The following HSPA12B variants were observed in gnomAD, a reference collection of about 807,000 sequenced individuals.
The protein encoded by HSPA12B is heat shock 70 kDa protein 12B.
In HSPA12B, 54 loss-of-function variants were observed where a neutral mutation model predicts 69.3. That is an observed-to-expected ratio of 0.78 (90% CI 0.63 to 0.98). HSPA12B has a LOEUF of 0.98. HSPA12B is among the 50% of genes least tolerant of loss of function. The pLI, the probability that HSPA12B is intolerant of heterozygous loss-of-function variation, is 0.00. For synonymous variants in HSPA12B, 441 were observed against 436.5 expected (o/e 1.01, Z -0.13); for missense variants, 929 against 999.8 (o/e 0.93, Z 0.96).
At position 3,749,979 on chromosome 20, in the gene HSPA12B, T is replaced by C. The variant is rs2088382340; in HGVS notation, c.1053T>C (p.Tyr351=). 1.9e-6 allele frequency: 3 copies of C among 1,567,604 alleles called. No individual in the cohort carries two copies. The highest frequency in any genetic ancestry group is 2.6e-6 in the Non-Finnish European group (3 of 1,155,726). Residue 351 remains tyrosine (Y), a synonymous_variant, in exon 11 of 13, where the codon TAT becomes TAC. Transcript: ENST00000254963. This position sits in a 1 kb window ranked among gnomAD's most constrained non-coding sequence, Gnocchi z 5.5. ...KELYKASGGP[Y]GAVGVDLAFE... ...CCTGCTCCACCCCAGGGGGCCCTTATGGCGCGGTGGGCGTGGACCTGGCCT... is the reference window on the plus strand; with the variant it reads ...CCTGCTCCACCCCAGGGGGCCCTTACGGCGCGGTGGGCGTGGACCTGGCCT...
intron 4 of HSPA12B, 89 bp downstream of exon 4, chr20:3,742,497 G>A: frequency 9.0e-7 from 1 of 1,107,016 alleles, no homozygotes; most frequent in Non-Finnish European, 1.3e-6. Context: ...CGAGACATGG[G>A]GTCTCCTTGG....
Position 3,752,143 on chromosome 20 carries a change from T to A in HSPA12B, c.2038T>A (p.Ser680Thr), listed in dbSNP as rs141241030. The change falls in exon 13 of 13, where the codon TCC becomes ACC. Residue 680 changes from serine (S) to threonine (T), a missense_variant. This residue lies in a region of HSPA12B where 448 missense variants were observed against 448.1 expected (regional missense o/e 1.00). Coordinates refer to ENST00000254963, the MANE Select transcript of HSPA12B (RefSeq NM_052970.5). ...DVSTNRSVRA[S>T]IDFLSN ...CAGCACCAATCGCTCCGTGCGCGCG[T>A]CCATCGACTTTCTTTCCAACTGAGG... 2.5e-5 allele frequency: 36 copies of A among 1,459,810 alleles called. No individual in the cohort carries two copies. Among genetic ancestry groups the A allele is most frequent in the Non-Finnish European group, 3.2e-5 (36 of 1,113,220 alleles). 90.4% of individuals were successfully genotyped at this position (1,459,810 alleles called of 1,614,324 possible). A position where few individuals can be genotyped will look rare whatever the true frequency, so the allele number is the denominator to read the frequency against.
chr20:3,741,220 GTGGCTT>G (rs1293329755), intron 3 of HSPA12B, among the ~76,000 whole-genome samples: 1 of 151,902 alleles, frequency 6.6e-6, no homozygotes, highest in Non-Finnish European at 1.5e-5. Context: ...CCCTGAGCAT[GTGGCTT>G]TTCTAGGTCC....
In HSPA12B at chr20:3,737,990, G is replaced by A. The variant is rs2088135169; in HGVS notation, c.-17-668G>A. Among the ~76,000 whole-genome samples, 2 of 152,138 alleles carry A rather than the reference G, an allele frequency of 1.3e-5. No homozygotes were observed. The highest frequency in any genetic ancestry group is 1.3e-4 in the Admixed American group (2 of 15,270). On this transcript the variant is annotated intron_variant, in intron 1 of 12. Transcript: ENST00000254963. The surrounding 1 kb of genome is among the most constrained non-coding windows in gnomAD (Gnocchi z 4.1). ...TGCATTCCAGCCTGGGCAACAGAGT[G>A]AGACCCTGTCTCAGAAAAAAGAAAA... is the stretch of plus-strand genomic sequence containing the variant.
At chr20:3,746,092 C>A in intron 7 of HSPA12B, 61 bp downstream of exon 7, 2 of 1,207,122 alleles carry the variant, frequency 1.7e-6, no homozygotes, top group Non-Finnish European at 2.4e-6. Context: ...TGTCCCCATG[C>A]TTGCATGCAC....
At position 3,740,852 on chromosome 20, in the gene HSPA12B, C is replaced by A; in HGVS notation, c.81C>A (p.Pro27=). Residue 27 remains proline (P), a synonymous_variant, in exon 3 of 13, where the codon CCC becomes CCA. Coordinates refer to ENST00000254963, the MANE Select transcript of HSPA12B (RefSeq NM_052970.5). This position sits in a 1 kb window ranked among gnomAD's most constrained non-coding sequence, Gnocchi z 4.9. ...SPERSPVPSP[P]GSPRTQESCG... ...AGCGGTCCCCAGTGCCTAGCCCACC[C>A]GGCTCCCCGAGGACCCAGGAAAGCT... The A allele has an allele frequency of 6.2e-7, 1 of 1,613,882 alleles. No individual in the cohort carries two copies. Among genetic ancestry groups the A allele is most frequent in the Non-Finnish European group, 8.5e-7 (1 of 1,179,958 alleles).
Position 3,749,699 on chromosome 20 carries a change from G to A in HSPA12B, c.938-51G>A. The A allele has an allele frequency of 1.5e-6, 2 of 1,345,908 alleles. No individual in the cohort carries two copies. Among genetic ancestry groups the A allele is most frequent in the Non-Finnish European group, 2.0e-6 (2 of 980,212 alleles). 83.4% of individuals were successfully genotyped at this position (1,345,908 alleles called of 1,614,324 possible). A position where few individuals can be genotyped will look rare whatever the true frequency, so the allele number is the denominator to read the frequency against. ...TGGGCGAGGCTGGAGGGGGCGCAGGGCTGAGGGTGCGAGGCCGCCCACGAG... is the reference window on the plus strand; with the variant it reads ...TGGGCGAGGCTGGAGGGGGCGCAGGACTGAGGGTGCGAGGCCGCCCACGAG... On this transcript the variant is annotated intron_variant, in intron 9 of 12. Coordinates refer to ENST00000254963, the MANE Select transcript of HSPA12B (RefSeq NM_052970.5). The surrounding 1 kb of genome is among the most constrained non-coding windows in gnomAD (Gnocchi z 5.5).
chr20:3,746,213 G>A (rs568559721), intron 7 of HSPA12B, among the ~76,000 whole-genome samples, 182 bp downstream of exon 7: 1 of 151,914 alleles, frequency 6.6e-6, no homozygotes, highest in Admixed American at 6.5e-5. Context: ...GCAGGAACAG[G>A]GGACAGAGGG....
Position 3,750,086 on chromosome 20 carries a change from T to A in HSPA12B, c.1160T>A (p.Leu387Gln). 6.2e-7 allele frequency: 1 copy of A among 1,612,374 alleles called. No individual in the cohort carries two copies. Among genetic ancestry groups the A allele is most frequent in the Non-Finnish European group, 8.5e-7 (1 of 1,179,710 alleles). ...KRQRPAAWVD[L>Q]TIAFEARKRT... ...CAACGGCCGGCAGCCTGGGTAGATC[T>A]GACCATCGCCTTCGAGGCTCGCAAG... Residue 387 changes from leucine to glutamine, a missense_variant, in exon 11 of 13, where the codon CTG (leucine) becomes CAG (glutamine). Around this residue, in one of 3 missense-constraint regions of HSPA12B, gnomAD observed 477 missense variants for 535.2 expected, o/e 0.89. Transcript: ENST00000254963.
chr20:3,743,411 G>T (rs774844868), intron 4 of HSPA12B, among the ~76,000 whole-genome samples: 47 of 151,838 alleles, frequency 3.1e-4, no homozygotes, highest in Non-Finnish European at 6.0e-4. Flanking sequence ...GCCAGGGCTG[G>T]TCTTGAATTC....
Position 3,745,462 on chromosome 20 carries a change from C to G in HSPA12B, c.454-31C>G. ...CAGGAAATGAGTGCCAAGCTGAGGCCTCCTGCAGAGCCGCCCTGTGTCCCT... is the reference window on the plus strand; with the variant it reads ...CAGGAAATGAGTGCCAAGCTGAGGCGTCCTGCAGAGCCGCCCTGTGTCCCT... On this transcript the variant is annotated intron_variant, in intron 5 of 12. Transcript: ENST00000254963. The surrounding 1 kb of genome is among the most constrained non-coding windows in gnomAD (Gnocchi z 5.6). The G allele has an allele frequency of 1.3e-6, 2 of 1,533,410 alleles. No homozygotes were observed. The highest frequency in any genetic ancestry group is 1.8e-6 in the Non-Finnish European group (2 of 1,106,478). 95.0% of individuals were successfully genotyped at this position (1,533,410 alleles called of 1,614,324 possible).
At position 3,752,297 on chromosome 20, in the gene HSPA12B, G is replaced by T. The variant is rs1377372644; in HGVS notation, c.*131G>T. ...GCGCCTTTCCACGCCCTCCAGCCCC[G>T]GGGGAGATAAGGTCATGGGAGAGTG... On this transcript the variant is annotated 3_prime_UTR_variant, in exon 13 of 13. Coordinates refer to ENST00000254963, the MANE Select transcript of HSPA12B (RefSeq NM_052970.5). 2 of 904,390 alleles carry T rather than the reference G, an allele frequency of 2.2e-6. No homozygotes were observed. Among genetic ancestry groups the T allele is most frequent in the Admixed American group, 3.7e-5 (1 of 27,062 alleles). 56.0% of individuals were successfully genotyped at this position (904,390 alleles called of 1,614,324 possible).
intron 7 of HSPA12B, among the ~76,000 whole-genome samples, chr20:3,747,858 G>A (rs968959843): frequency 5.3e-5 from 8 of 152,274 alleles, no homozygotes; most frequent in African/African-American, 1.9e-4. Context: ...CCCCCAGCCA[G>A]CGCTCAGCTG....
rs1454662221 is a variant in HSPA12B, at chr20:3,749,560, TGC to T, written c.938-189_938-188del. On this transcript the variant is annotated intron_variant, in intron 9 of 12. Coordinates refer to ENST00000254963, the MANE Select transcript of HSPA12B (RefSeq NM_052970.5). The surrounding 1 kb of genome is among the most constrained non-coding windows in gnomAD (Gnocchi z 5.5). The stretch of plus-strand genomic sequence containing the variant: ...GTTGCAGAGCCTCTGGAACCATTTC[TGC>T]CCCACACCCTGCGCCCATATGTGGT... Among the ~76,000 whole-genome samples the T allele has an allele frequency of 6.6e-6, 1 of 151,950 alleles. No homozygotes were observed. Among genetic ancestry groups the T allele is most frequent in the East Asian group, 1.9e-4 (1 of 5,152 alleles).
At position 3,751,597 on chromosome 20, in the gene HSPA12B, G is replaced by A; in HGVS notation, c.1492G>A (p.Ala498Thr). The change falls in exon 13 of 13, where the codon GCG (alanine) becomes ACG (threonine). Residue 498 changes from alanine to threonine, a missense_variant. Ala to Thr is a moderately conservative substitution (Grantham distance 58). Around this residue, in one of 3 missense-constraint regions of HSPA12B, gnomAD observed 448 missense variants for 448.1 expected, o/e 1.00. Transcript: ENST00000254963. ...GFAESAVLQH[A>T]VQAALGARGL... Reference sequence around the variant, plus strand: ...CGCCGAGTCAGCGGTGCTGCAGCACGCGGTGCAGGCGGCGCTGGGCGCCCG... The same window carrying A: ...CGCCGAGTCAGCGGTGCTGCAGCACACGGTGCAGGCGGCGCTGGGCGCCCG... 1.3e-6 allele frequency: 2 copies of A among 1,519,304 alleles called. No homozygotes were observed. Among genetic ancestry groups the A allele is most frequent in the Non-Finnish European group, 1.8e-6 (2 of 1,137,010 alleles). 94.1% of individuals were successfully genotyped at this position (1,519,304 alleles called of 1,614,324 possible). A position where few individuals can be genotyped will look rare whatever the true frequency, so the allele number is the denominator to read the frequency against.
chr20:3,745,246 G>T lies in HSPA12B; in HGVS notation c.453+158G>T, dbSNP rs1317762688. Among the ~76,000 whole-genome samples, 1 of 151,794 alleles carries T rather than the reference G, an allele frequency of 6.6e-6. No individual in the cohort carries two copies. The highest frequency in any genetic ancestry group is 1.5e-5 in the Non-Finnish European group (1 of 67,946). The stretch of plus-strand genomic sequence containing the variant: ...AAAGGGAGACGTCGGACTCCGGTGT[G>T]GGCGGAGCTCAGAAATGAGGTGGAG... On this transcript the variant is annotated intron_variant, in intron 5 of 12. Transcript: ENST00000254963. The surrounding 1 kb of genome is among the most constrained non-coding windows in gnomAD (Gnocchi z 5.6).
chr20:3,742,170 T>C, intron 3 of HSPA12B, 114 bp from the exon 4 acceptor site: 2 of 1,490,592 alleles, frequency 1.3e-6, no homozygotes, highest in East Asian at 4.6e-5. Context: ...AGGGCTGGTC[T>C]GGACCACAGT....
Position 3,745,093 on chromosome 20 carries a change from G to C in HSPA12B, c.453+5G>C. 6.2e-7 allele frequency: 1 copy of C among 1,611,586 alleles called. No homozygotes were observed. Among genetic ancestry groups the C allele is most frequent in the Non-Finnish European group, 8.5e-7 (1 of 1,178,504 alleles). ...ATGAAGATCCACAGCGCCACGGTGA[G>C]TCACAGGGCTCCAGACAGGGAGGCG... On this transcript the variant is annotated splice_donor_5th_base_variant and intron_variant, in intron 5 of 12. Coordinates refer to ENST00000254963, the MANE Select transcript of HSPA12B (RefSeq NM_052970.5). This position sits in a 1 kb window ranked among gnomAD's most constrained non-coding sequence, Gnocchi z 5.6.
intron 1 of HSPA12B, 124 bp from the exon 2 acceptor site, chr20:3,738,534 A>G: frequency 1.2e-6 from 1 of 819,674 alleles, no homozygotes; most frequent in South Asian, 1.6e-5. Flanking sequence ...GTGAAACAAC[A>G]TGATGGCTGG....
Sources: gnomAD v4.1 joint callset for allele counts (sites outside exome capture counted in the v4.1 genomes callset) on GRCh38, gnomAD v4.1.1 for gene constraint, gnomAD v4.1.1 regional missense constraint, Gnocchi (gnomAD v3.1) non-coding constraint, MANE v1.5 for transcripts, NCBI Gene and HGNC (gene_info 2026-07-23, HGNC 2026-07-21) for gene names.